The following EXOC6 variants were observed in gnomAD, a reference collection of about 807,000 sequenced individuals.
EXOC6 encodes the protein exocyst complex component 6.
Under a neutral mutation model 112.5 loss-of-function variants are expected in EXOC6, and 60 were observed. The ratio of observed to expected loss-of-function variants is 0.53; its 90% CI spans 0.43 to 0.66. The LOEUF is 0.66. EXOC6 is among the 30% of genes least tolerant of loss of function. The pLI, the probability that EXOC6 is intolerant of heterozygous loss-of-function variation, is 0.00. For missense variants in EXOC6, 855 were observed against 957.1 expected, an observed-to-expected ratio of 0.89 and a Z score of 1.41; for synonymous variants, 295 against 308.0, an observed-to-expected ratio of 0.96 and a Z score of 0.44.
intron 1 of EXOC6, among the ~76,000 whole-genome samples, chr10:92,836,037 G>A (rs7897126): frequency 0.01 from 1,526 of 152,314 alleles, 18 homozygotes; most frequent in African/African-American, 0.035. Flanking sequence ...GGCTAGGTAG[G>A]TGGTCAAGTG....
chr10:92,830,941 C>T (rs1846464471), upstream of EXOC6, among the ~76,000 whole-genome samples: 1 of 152,146 alleles, frequency 6.6e-6, no homozygotes, highest in South Asian at 2.1e-4. Context: ...CTTTTCTTTT[C>T]CTCATTTGAT....
chr10:92,949,464 A>G (rs928093512), intron 14 of EXOC6, among the ~76,000 whole-genome samples: 1 of 150,966 alleles, frequency 6.6e-6, no homozygotes, highest in African/African-American at 2.4e-5. Flanking sequence ...AAGAAATATC[A>G]CCAGAATATT....
chr10:93,011,509 C>A (rs1385847220), intron 19 of EXOC6, among the ~76,000 whole-genome samples: 1 of 152,050 alleles, frequency 6.6e-6, no homozygotes, highest in Non-Finnish European at 1.5e-5. Flanking sequence ...AATCCTCCAG[C>A]CTTGGCTTCC....
intron 21 of EXOC6, among the ~76,000 whole-genome samples, chr10:93,057,650 TG>T (rs1846609231): frequency 6.6e-6 from 1 of 152,170 alleles, no homozygotes; most frequent in African/African-American, 2.4e-5. Flanking sequence ...GCTGTGATTC[TG>T]GGGGCTGCTG....
chr10:92,933,224 C>G (rs532707175), intron 9 of EXOC6, among the ~76,000 whole-genome samples: 6 of 152,080 alleles, frequency 3.9e-5, no homozygotes, highest in Admixed American at 3.9e-4. Flanking sequence ...TAGAAAAATC[C>G]ACAAGTATAG....
upstream of EXOC6, among the ~76,000 whole-genome samples, chr10:92,843,606 T>C (rs1477082545): frequency 6.6e-6 from 1 of 152,066 alleles, no homozygotes; most frequent in Non-Finnish European, 1.5e-5. Flanking sequence ...TCCCAGCACT[T>C]TGGGAGGCCG....
intron 19 of EXOC6, among the ~76,000 whole-genome samples, chr10:92,998,154 C>A (rs1011984959): frequency 6.6e-6 from 1 of 152,078 alleles, no homozygotes; most frequent in Non-Finnish European, 1.5e-5. Flanking sequence ...TGATGTTAGT[C>A]AATCAGCTTC....
chr10:92,918,003 A>T lies in EXOC6; in HGVS notation c.820-1979A>T, dbSNP rs1013318517. On this transcript the variant is annotated intron_variant, in intron 7 of 21. Transcript: ENST00000260762. ...CTTTTCCTACAAAAAATACAAAAAAATTGCCAGGCATAGTGCCTGTATTCC... is the reference window on the plus strand; with the variant it reads ...CTTTTCCTACAAAAAATACAAAAAATTTGCCAGGCATAGTGCCTGTATTCC... Among the ~76,000 whole-genome samples the T allele has an allele frequency of 2.6e-5, 4 of 152,110 alleles. No homozygotes were observed. The South Asian group carries it at 8.3e-4, about 32-fold the overall frequency.
At chr10:93,019,864 T>C (rs1844701335) in intron 20 of EXOC6, among the ~76,000 whole-genome samples, 1 of 152,168 alleles carries the variant, frequency 6.6e-6, no homozygotes, top group South Asian at 2.1e-4. Context: ...CTCAGCTTGC[T>C]TTCCTACCCT....
chr10:92,866,687 G>A (rs1047187118), intron 1 of EXOC6, among the ~76,000 whole-genome samples: 2 of 151,958 alleles, frequency 1.3e-5, no homozygotes, highest in Admixed American at 1.3e-4. Flanking sequence ...ACCTGTATGT[G>A]TTTAGGAAAA....
At chr10:92,976,009 C>G (rs1374999398) in intron 18 of EXOC6, among the ~76,000 whole-genome samples, 4 of 140,746 alleles carry the variant, frequency 2.8e-5, no homozygotes, top group Non-Finnish European at 6.3e-5. Flanking sequence ...GTGAGGAGCC[C>G]CTCTGCCCGG....
At chr10:92,913,248 T>A (rs1681469332) in intron 6 of EXOC6, among the ~76,000 whole-genome samples, 1 of 152,234 alleles carries the variant, frequency 6.6e-6, no homozygotes, top group African/African-American at 2.4e-5. Context: ...TGTTATTTGT[T>A]ACTAAGTCCT....
At chr10:93,000,465 C>G (rs980863598) in intron 19 of EXOC6, among the ~76,000 whole-genome samples, 4 of 152,156 alleles carry the variant, frequency 2.6e-5, no homozygotes, top group Non-Finnish European at 1.5e-5. Flanking sequence ...AAGAGCTAGT[C>G]TCTTGGAAAA....
intron 1 of EXOC6, chr10:92,878,136 G>A (rs564480049): frequency 6.5e-6 from 1 of 152,986 alleles, no homozygotes; most frequent in Admixed American, 6.5e-5. Flanking sequence ...GCTTTTATTT[G>A]TTTGCCATGT....
rs573000051 is a variant in EXOC6 at position 93,056,300 on chromosome 10, G to T, written c.2170-624G>T. ...CGGGAAACAAGAGGGTTTCTTTTTT[G>T]TTGTTGTTTGTTTATACAAAATGGT... On this transcript the variant is annotated intron_variant, in intron 20 of 21. Transcript: ENST00000260762. Among the ~76,000 whole-genome samples, 6 of 152,146 alleles carry T rather than the reference G, an allele frequency of 3.9e-5. No homozygotes were observed. The East Asian group carries it at 5.8e-4, about 15-fold the overall frequency.
chr10:92,846,484 C>T (rs538816639), upstream of EXOC6, among the ~76,000 whole-genome samples: 44 of 152,132 alleles, frequency 2.9e-4, no homozygotes, highest in South Asian at 1.5e-3. Flanking sequence ...CCACTGTGCT[C>T]GACCTAAGAA....
intron 18 of EXOC6, among the ~76,000 whole-genome samples, chr10:92,982,933 A>G (rs1166222503): frequency 6.6e-6 from 1 of 152,242 alleles, no homozygotes; most frequent in Non-Finnish European, 1.5e-5. Flanking sequence ...TTAGAACATA[A>G]TATGCTTTCT....
intron 11 of EXOC6, among the ~76,000 whole-genome samples, chr10:92,935,083 CATT>C (rs1442555099): frequency 6.6e-6 from 1 of 151,670 alleles, no homozygotes; most frequent in African/African-American, 2.4e-5. Flanking sequence ...TATAATTGAT[CATT>C]GAGATTTTTA....
At chr10:93,043,727 C>T (rs927720642) in intron 20 of EXOC6, among the ~76,000 whole-genome samples, 3 of 152,234 alleles carry the variant, frequency 2.0e-5, no homozygotes, top group African/African-American at 7.2e-5. Flanking sequence ...TCACATCGTG[C>T]AAGCATCACA....
Sources: gnomAD v4.1 joint callset for allele counts (sites outside exome capture counted in the v4.1 genomes callset) on GRCh38, gnomAD v4.1.1 for gene constraint, MANE v1.5 for transcripts, NCBI Gene and HGNC (gene_info 2026-07-23, HGNC 2026-07-21) for gene names.